The following RIMS2 variants were observed in gnomAD, a reference collection of about 807,000 sequenced individuals.
RIMS2 encodes regulating synaptic membrane exocytosis protein 2.
In RIMS2, 59 loss-of-function variants were observed where a neutral mutation model predicts 174.4. The observed-to-expected ratio is 0.34, with a 90% CI of 0.27 to 0.42. The LOEUF is 0.42. RIMS2 is among the 10% of genes least tolerant of loss of function. The pLI, the probability that RIMS2 is intolerant of heterozygous loss-of-function variation, is 1.00. For synonymous variants in RIMS2, 606 were observed against 572.5 expected, an observed-to-expected ratio of 1.06 and a Z score of -0.84; for missense variants, 1,620 against 1,666.3, an observed-to-expected ratio of 0.97 and a Z score of 0.48.
chr8:104,106,865 T>C (rs918570609), intron 19 of RIMS2, among the ~76,000 whole-genome samples: 4 of 152,190 alleles, frequency 2.6e-5, no homozygotes, highest in African/African-American at 9.6e-5. Context: ...ATTTTATAGA[T>C]ATAGTAAAAG....
At chr8:103,522,396 G>A (rs1832152807) in intron 1 of RIMS2, among the ~76,000 whole-genome samples, 1 of 152,024 alleles carries the variant, frequency 6.6e-6, no homozygotes, top group Admixed American at 6.6e-5. Context: ...AATAGCCTCG[G>A]TAAAATAGAA....
chr8:103,794,964 G>A (rs970305812), intron 3 of RIMS2, among the ~76,000 whole-genome samples: 4 of 152,174 alleles, frequency 2.6e-5, no homozygotes, highest in African/African-American at 9.7e-5. Flanking sequence ...TGGAGAAATA[G>A]GAACACTTTT....
At chr8:103,707,301 C>A (rs987285405) in intron 2 of RIMS2, among the ~76,000 whole-genome samples, 2 of 152,164 alleles carry the variant, frequency 1.3e-5, no homozygotes, top group African/African-American at 4.8e-5. Context: ...TTGGTGAAGT[C>A]ATATGTTCCT....
intron 1 of RIMS2, among the ~76,000 whole-genome samples, chr8:103,530,548 G>T (rs1036826356): frequency 6.6e-6 from 1 of 151,910 alleles, no homozygotes; most frequent in African/African-American, 2.4e-5. Context: ...GATATAGAAA[G>T]ATTAAAAATA....
chr8:103,775,676 A>C (rs556725590), intron 3 of RIMS2, among the ~76,000 whole-genome samples: 2 of 152,252 alleles, frequency 1.3e-5, no homozygotes, highest in South Asian at 4.1e-4. Flanking sequence ...TAATCAATAG[A>C]CTTGAAGACA....
chr8:103,916,329 T>C, intron 7 of RIMS2, 85 bp from the exon 11 acceptor site: 2 of 916,358 alleles, frequency 2.2e-6, no homozygotes, highest in South Asian at 1.7e-5. Context: ...TCCTATGGAG[T>C]TTATTGAAGT....
At chr8:104,060,116 T>G (rs1276010311) in intron 19 of RIMS2, among the ~76,000 whole-genome samples, 4 of 151,940 alleles carry the variant, frequency 2.6e-5, no homozygotes, top group Non-Finnish European at 5.9e-5. Context: ...CCTCTTTTTC[T>G]ATTGATTGGA....
chr8:103,598,285 T>A (rs2094554099), intron 1 of RIMS2, among the ~76,000 whole-genome samples: 1 of 152,182 alleles, frequency 6.6e-6, no homozygotes. Context: ...CTATAAAAAC[T>A]GGGATTCCAA....
intron 19 of RIMS2, among the ~76,000 whole-genome samples, chr8:104,185,507 C>G (rs2098963306): frequency 1.3e-5 from 2 of 151,432 alleles, no homozygotes; most frequent in African/African-American, 4.8e-5. Context: ...TAAAAGAGGG[C>G]CTTTGGCTAT....
chr8:103,763,447 A>C (rs939528600), intron 2 of RIMS2, among the ~76,000 whole-genome samples: 4 of 151,766 alleles, frequency 2.6e-5, no homozygotes, highest in Non-Finnish European at 5.9e-5. Flanking sequence ...AGGAAAAAAA[A>C]AAAGAAGAAG....
intron 1 of RIMS2, among the ~76,000 whole-genome samples, chr8:103,647,194 G>T (rs2096354331): frequency 6.6e-6 from 1 of 152,112 alleles, no homozygotes; most frequent in Admixed American, 6.6e-5. Context: ...CTTTATCATG[G>T]TGGATATGCT....
chr8:103,811,247 C>G (rs1226687894), intron 3 of RIMS2, among the ~76,000 whole-genome samples: 1 of 152,074 alleles, frequency 6.6e-6, no homozygotes, highest in Non-Finnish European at 1.5e-5. Flanking sequence ...AACAAGCAGT[C>G]CTAACGCTAA....
chr8:103,776,858 A>C (rs2098324240), intron 3 of RIMS2, among the ~76,000 whole-genome samples: 1 of 152,122 alleles, frequency 6.6e-6, no homozygotes, highest in Non-Finnish European at 1.5e-5. Context: ...CTTTAGATTA[A>C]ACAGCTGTTC....
chr8:104,010,173 A>G (rs1377642027), intron 17 of RIMS2, among the ~76,000 whole-genome samples: 6 of 152,184 alleles, frequency 3.9e-5, no homozygotes, highest in African/African-American at 1.4e-4. Flanking sequence ...AACCTAAAGT[A>G]CATCGCAAAA....
At chr8:104,192,761 G>T (rs970225073) in intron 19 of RIMS2, among the ~76,000 whole-genome samples, 9 of 152,076 alleles carry the variant, frequency 5.9e-5, no homozygotes, top group African/African-American at 2.2e-4. Flanking sequence ...GTATAAAGTT[G>T]TGCATTCATT....
chr8:103,685,323 A>C (rs2096928498), intron 1 of RIMS2, among the ~76,000 whole-genome samples: 1 of 152,090 alleles, frequency 6.6e-6, no homozygotes, highest in South Asian at 2.1e-4. Context: ...ACATGGCAAG[A>C]GAGGGAGCAA....
chr8:103,823,553 T>C (rs1188760207), intron 3 of RIMS2, among the ~76,000 whole-genome samples: 1 of 152,050 alleles, frequency 6.6e-6, no homozygotes, highest in African/African-American at 2.4e-5. Context: ...GCCACTGTTC[T>C]AAAACATTAA....
intron 3 of RIMS2, among the ~76,000 whole-genome samples, chr8:103,812,068 A>T (rs2098690900): frequency 6.6e-6 from 1 of 152,184 alleles, no homozygotes; most frequent in Non-Finnish European, 1.5e-5. Context: ...AATGCTATAA[A>T]ATGTTTTTGT....
At chr8:104,117,002 A>G (rs1424377139) in intron 19 of RIMS2, among the ~76,000 whole-genome samples, 1 of 151,532 alleles carries the variant, frequency 6.6e-6, no homozygotes, top group Non-Finnish European at 1.5e-5. Flanking sequence ...CTTTTTTTCT[A>G]ATCTAGTAGC....
Sources: gnomAD v4.1 joint callset for allele counts (sites outside exome capture counted in the v4.1 genomes callset) on GRCh38, gnomAD v4.1.1 for gene constraint, MANE v1.5 for transcripts, NCBI Gene and HGNC (gene_info 2026-07-23, HGNC 2026-07-21) for gene names.